CACNA2D1: variants seen among roughly 807,000 people sequenced by gnomAD.
The protein encoded by CACNA2D1 is voltage-dependent calcium channel subunit alpha-2/delta-1.
A neutral mutation model predicts 171.5 loss-of-function variants in CACNA2D1; 53 were observed. That is an observed-to-expected ratio of 0.31 (90% CI 0.25 to 0.39). The LOEUF (loss-of-function observed/expected upper bound fraction) is 0.39, where lower values mean the gene tolerates loss of function less well. CACNA2D1 is among the 10% of genes least tolerant of loss of function. The pLI is 1.00. For missense variants in CACNA2D1, 903 were observed against 1,299.8 expected, an observed-to-expected ratio of 0.69 and a Z score of 4.69; for synonymous variants, 442 against 443.1, an observed-to-expected ratio of 1.00 and a Z score of 0.03.
At chr7:82,212,528 T>C (rs76821291) in intron 3 of CACNA2D1, among the ~76,000 whole-genome samples, 12,919 of 152,286 alleles carry the variant, frequency 0.085, 738 homozygotes, top group Non-Finnish European at 0.11. Flanking sequence ...ATAGTTACTA[T>C]GTGCTATCTT....
At chr7:82,243,468 G>C (rs538230247) in intron 3 of CACNA2D1, among the ~76,000 whole-genome samples, 1 of 152,086 alleles carries the variant, frequency 6.6e-6, no homozygotes, top group East Asian at 1.9e-4. Flanking sequence ...AATTATACCC[G>C]AGTAACTATC....
At position 82,361,145 on chromosome 7, in the gene CACNA2D1, T is replaced by C. The variant is rs138193864; in HGVS notation, c.96-11496A>G. ...CCTCTTTGCCTGAGCAGCATATACA[T>C]TGCCCTTATGTTCCCCTCTGCTGGT... On this transcript the variant is annotated intron_variant, in intron 1 of 38. Transcript: ENST00000356860. Among the ~76,000 whole-genome samples the C allele has an allele frequency of 4.6e-3, 704 of 152,278 alleles. 4 individuals carry two copies. Among genetic ancestry groups the C allele is most frequent in the African/African-American group, 0.016 (683 of 41,566 alleles).
rs201927487 is a variant in CACNA2D1, at chr7:82,258,817, C to CTTTTTTTTTTTTTTTTTTTTTTTTTT, written c.294+76317_294+76318insAAAAAAAAAAAAAAAAAAAAAAAAAA. On this transcript the variant is annotated intron_variant, in intron 3 of 38. Coordinates refer to ENST00000356860, the MANE Select transcript of CACNA2D1 (RefSeq NM_000722.4). ...ATTTCTTTCTTTCTTTCTTACTTTT[C>CTTTTTTTTTTTTTTTTTTTTTTTTTT]TTTTTTTTTTTTTTTTTTTTTTGAG... 4.1e-4 allele frequency among the ~76,000 whole-genome samples: 30 copies of CTTTTTTTTTTTTTTTTTTTTTTTTTT among 72,612 alleles called. 2 individuals carry two copies. The highest frequency in any genetic ancestry group is 0.017 in the Middle Eastern group (1 of 58). The allele number at this position is 72,612 out of a possible 152,430, so 47.6% of individuals were successfully genotyped here.
At chr7:82,135,190 C>T (rs1278057089) in intron 5 of CACNA2D1, among the ~76,000 whole-genome samples, 1 of 151,886 alleles carries the variant, frequency 6.6e-6, no homozygotes, top group African/African-American at 2.4e-5. Context: ...GCTTTGTCAT[C>T]GCTTTACAAA....
At chr7:82,060,162 T>C (rs1351160963) in intron 10 of CACNA2D1, among the ~76,000 whole-genome samples, 2,586 of 39,046 alleles carry the variant, frequency 0.066, 455 homozygotes, top group African/African-American at 0.17. Flanking sequence ...ATTATATATA[T>C]ATAATATATA....
chr7:82,128,879 T>C (rs1233584568), intron 5 of CACNA2D1, among the ~76,000 whole-genome samples: 1 of 152,144 alleles, frequency 6.6e-6, no homozygotes, highest in African/African-American at 2.4e-5. Flanking sequence ...TGTATTGTCT[T>C]AAGGTATTTT....
At chr7:82,247,610 A>G (rs1455257599) in intron 3 of CACNA2D1, among the ~76,000 whole-genome samples, 1 of 152,196 alleles carries the variant, frequency 6.6e-6, no homozygotes, top group African/African-American at 2.4e-5. Context: ...TGAATCAGCT[A>G]GTGCTTTATC....
At chr7:82,227,681 T>C (rs1402374570) in intron 3 of CACNA2D1, among the ~76,000 whole-genome samples, 1 of 152,198 alleles carries the variant, frequency 6.6e-6, no homozygotes, top group Non-Finnish European at 1.5e-5. Flanking sequence ...TGCTACTTAT[T>C]CCAGGTTCAT....
chr7:82,380,362 G>GA (rs1211066452), intron 1 of CACNA2D1, among the ~76,000 whole-genome samples: 16 of 152,038 alleles, frequency 1.1e-4, no homozygotes, highest in African/African-American at 3.6e-4. Context: ...AGACATAGAG[G>GA]AAAAAATCCT....
intron 12 of CACNA2D1, among the ~76,000 whole-genome samples, chr7:82,014,879 C>T (rs561872633): frequency 6.6e-6 from 1 of 152,046 alleles, no homozygotes; most frequent in Admixed American, 6.6e-5. Context: ...CATGGTGAAA[C>T]CCCGTTTGTA....
At chr7:82,275,177 A>T (rs62463015) in intron 3 of CACNA2D1, among the ~76,000 whole-genome samples, 1 of 151,922 alleles carries the variant, frequency 6.6e-6, no homozygotes, top group East Asian at 1.9e-4. Flanking sequence ...TTTATCACTT[A>T]AATTTATTAG....
intron 3 of CACNA2D1, among the ~76,000 whole-genome samples, chr7:82,193,588 T>G (rs945797392): frequency 6.6e-6 from 1 of 152,034 alleles, no homozygotes; most frequent in Non-Finnish European, 1.5e-5. Context: ...TCTATGGAAA[T>G]GCATACTATA....
At chr7:82,111,345 CAT>C (rs753098817) in intron 6 of CACNA2D1, among the ~76,000 whole-genome samples, 7 of 93,124 alleles carry the variant, frequency 7.5e-5, no homozygotes, top group African/African-American at 2.8e-4. Flanking sequence ...TATATATATT[CAT>C]ATATATGTGT....
intron 5 of CACNA2D1, among the ~76,000 whole-genome samples, chr7:82,133,539 T>G (rs920875152): frequency 1.3e-5 from 2 of 152,216 alleles, no homozygotes; most frequent in South Asian, 2.1e-4. Flanking sequence ...TCAAAATTCA[T>G]TAAAATGTCA....
chr7:82,180,273 G>A (rs1479360061), intron 3 of CACNA2D1, among the ~76,000 whole-genome samples: 1 of 152,150 alleles, frequency 6.6e-6, no homozygotes. Flanking sequence ...TTAGATGACT[G>A]GGGTTTCCCA....
rs1795924209 is a variant in CACNA2D1 at position 81,977,023 on chromosome 7, C to T, written c.1956-2471G>A. ...CAGAGACAATTTGACTTCCTCTCTT[C>T]CTATTTGAATACCCTTTATTTCTTT... On this transcript the variant is annotated intron_variant, in intron 24 of 38. Coordinates refer to ENST00000356860, the MANE Select transcript of CACNA2D1 (RefSeq NM_000722.4). Among the ~76,000 whole-genome samples the T allele has an allele frequency of 2.0e-5, 3 of 152,264 alleles. No homozygotes were observed. The South Asian group carries it at 6.2e-4, about 32-fold the overall frequency.
chr7:81,996,093 A>G (rs1248885333), intron 19 of CACNA2D1, among the ~76,000 whole-genome samples: 1 of 152,156 alleles, frequency 6.6e-6, no homozygotes, highest in Non-Finnish European at 1.5e-5. Flanking sequence ...GAGGAGCTCA[A>G]AAATAATAAA....
In CACNA2D1 at chr7:82,322,125, C is replaced by CAAA. The variant is rs71093373; in HGVS notation, c.294+13007_294+13009dup. Among the ~76,000 whole-genome samples the CAAA allele has an allele frequency of 9.6e-4, 42 of 43,640 alleles. 3 individuals are homozygous for CAAA. The highest frequency in any genetic ancestry group is 1.5e-3 in the African/African-American group (18 of 12,268). The allele number at this position is 43,640 out of a possible 152,430, so 28.6% of individuals were successfully genotyped here. On this transcript the variant is annotated intron_variant, in intron 3 of 38. Coordinates refer to ENST00000356860, the MANE Select transcript of CACNA2D1 (RefSeq NM_000722.4). ...TGGGTGACAGAGCGAGACTCCGTCT[C>CAAA]AAAAAAAAAAAAAAAAAAAAAAAAA...
At chr7:82,034,226 T>A (rs1038025493) in intron 11 of CACNA2D1, among the ~76,000 whole-genome samples, 1 of 152,110 alleles carries the variant, frequency 6.6e-6, no homozygotes, top group Non-Finnish European at 1.5e-5. Context: ...TACCATATTG[T>A]ACAGCATGGC....
Sources: gnomAD v4.1 joint callset for allele counts (sites outside exome capture counted in the v4.1 genomes callset) on GRCh38, gnomAD v4.1.1 for gene constraint, MANE v1.5 for transcripts, NCBI Gene and HGNC (gene_info 2026-07-23, HGNC 2026-07-21) for gene names.